Variants in CNTRL observed in about 807,000 individuals in gnomAD.
CNTRL encodes the protein centriolin.
CNTRL carries 233 observed loss-of-function variants against 303.7 expected under a neutral mutation model. That is an observed-to-expected ratio of 0.77 (90% CI 0.69 to 0.86). The LOEUF (loss-of-function observed/expected upper bound fraction) is 0.86. CNTRL is among the 40% of genes least tolerant of loss of function. The pLI, the probability that CNTRL is intolerant of heterozygous loss-of-function variation, is 0.00. For missense variants in CNTRL, 2,524 were observed against 2,650.6 expected, an observed-to-expected ratio of 0.95 and a Z score of 1.05; for synonymous variants, 900 against 922.2, an observed-to-expected ratio of 0.98 and a Z score of 0.44.
At chr9:121,112,406 T>G (rs1420681572) in intron 8 of CNTRL, 53 bp from the exon 9 acceptor site, 3 of 1,569,582 alleles carry the variant, frequency 1.9e-6, no homozygotes, top group East Asian at 4.5e-5. Flanking sequence ...CATCACACCT[T>G]TATACTAACT....
chr9:121,170,191 C>A (rs1477182421), intron 39 of CNTRL, among the ~76,000 whole-genome samples: 1 of 152,174 alleles, frequency 6.6e-6, no homozygotes, highest in East Asian at 1.9e-4. Flanking sequence ...GTCTCCCATG[C>A]TAGATTGAGT....
intron 39 of CNTRL, among the ~76,000 whole-genome samples, chr9:121,170,763 C>T (rs1041426624): frequency 6.6e-6 from 1 of 152,200 alleles, no homozygotes; most frequent in Non-Finnish European, 1.5e-5. Context: ...AGTTTTATTA[C>T]ACTGCTGTAG....
intron 19 of CNTRL, 133 bp from the exon 20 acceptor site, chr9:121,143,770 T>C (rs1416433446): frequency 3.4e-6 from 2 of 583,208 alleles, no homozygotes; most frequent in Non-Finnish European, 6.0e-6. Flanking sequence ...ATTGGATATA[T>C]GTGGAGTACC....
chr9:121,164,498 A>G (rs565156887), intron 34 of CNTRL, among the ~76,000 whole-genome samples: 2 of 152,350 alleles, frequency 1.3e-5, no homozygotes, highest in East Asian at 3.9e-4. Context: ...GATATACACA[A>G]CATGGATGAA....
At chr9:121,144,226 T>G in intron 20 of CNTRL, 144 bp downstream of exon 20, 1 of 686,566 alleles carries the variant, frequency 1.5e-6, no homozygotes, top group East Asian at 2.8e-5. Flanking sequence ...ACCTAAAGAT[T>G]ATATTCCCCC....
At chr9:121,110,748 G>T (rs1383431640) in intron 8 of CNTRL, among the ~76,000 whole-genome samples, 1 of 151,860 alleles carries the variant, frequency 6.6e-6, no homozygotes, top group East Asian at 1.9e-4. Flanking sequence ...TTGAATGTGG[G>T]GGAAAGAATT....
chr9:121,087,160 G>A (rs141446144), intron 2 of CNTRL, among the ~76,000 whole-genome samples: 8 of 152,278 alleles, frequency 5.3e-5, no homozygotes, highest in Admixed American at 1.3e-4. Context: ...AGGATTTAGC[G>A]ATTGACTGAG....
At chr9:121,162,864 A>G (rs2052915666) in intron 34 of CNTRL, among the ~76,000 whole-genome samples, 1 of 152,212 alleles carries the variant, frequency 6.6e-6, no homozygotes, top group Non-Finnish European at 1.5e-5. Flanking sequence ...ATGGAACAGA[A>G]TAGAAAGTCT....
At chr9:121,163,895 C>T (rs550157305) in intron 34 of CNTRL, among the ~76,000 whole-genome samples, 35 of 144,244 alleles carry the variant, frequency 2.4e-4, no homozygotes, top group Non-Finnish European at 4.3e-4. Flanking sequence ...GATGGAGCCT[C>T]GCTCTGTTGC....
Position 121,157,967 on chromosome 9 carries a change from T to G in CNTRL, c.4638-16T>G. ...AGTCCCTTAGGATCTGCTCTAGTGT[T>G]GCTGGTGCTTTGTAGGCTTCAGAAA... On this transcript the variant is annotated splice_polypyrimidine_tract_variant and intron_variant, in intron 29 of 43. Transcript: ENST00000373855. 1.2e-6 allele frequency: 2 copies of G among 1,614,136 alleles called. No individual in the cohort carries two copies. Among genetic ancestry groups the G allele is most frequent in the Non-Finnish European group, 1.7e-6 (2 of 1,179,992 alleles).
chr9:121,138,674 T>C lies in CNTRL; in HGVS notation c.2332T>C (p.Leu778=), dbSNP rs779714879. The C allele has an allele frequency of 1.6e-5, 26 of 1,613,104 alleles. 1 individual carries two copies. The East Asian group carries it at 5.6e-4, about 35-fold the overall frequency. Residue 778 remains leucine (L), a synonymous_variant, in exon 16 of 44, where the codon TTG becomes CTG. Coordinates refer to ENST00000373855, the MANE Select transcript of CNTRL (RefSeq NM_007018.6). Reference sequence around the variant, plus strand: ...TGAGCTCCATGCAAAACTTAAACACTTGCAGGTAGAGATTTGTTGTTTTAG... The same window carrying C: ...TGAGCTCCATGCAAAACTTAAACACCTGCAGGTAGAGATTTGTTGTTTTAG... The part of the protein sequence containing the change: ...NSELHAKLKH[L]QDDNNLLKQQ...
chr9:121,132,265 C>T (rs1041996366), intron 14 of CNTRL, among the ~76,000 whole-genome samples: 1 of 152,230 alleles, frequency 6.6e-6, no homozygotes, highest in African/African-American at 2.4e-5. Context: ...TTTTCAGGTA[C>T]ACCATTCAAA....
chr9:121,094,736 G>A lies in CNTRL; in HGVS notation c.349-152G>A, dbSNP rs374988293. The stretch of plus-strand genomic sequence containing the variant: ...AGTAGAGTTATTACTCCTAGTCAAG[G>A]AGAGCTGCATCAAGGGATTCTCCAG... On this transcript the variant is annotated intron_variant, in intron 4 of 43. Transcript: ENST00000373855. The A allele has an allele frequency of 1.4e-4, 70 of 516,046 alleles. 1 individual carries two copies. The highest frequency in any genetic ancestry group is 1.3e-3 in the African/African-American group (66 of 50,268). 32.0% of individuals were successfully genotyped at this position (516,046 alleles called of 1,614,324 possible).
intron 4 of CNTRL, among the ~76,000 whole-genome samples, chr9:121,092,080 T>C (rs1211695573): frequency 6.8e-6 from 1 of 146,418 alleles, no homozygotes; most frequent in Non-Finnish European, 1.5e-5. Flanking sequence ...TATATTTATA[T>C]ATAAATATAA....
intron 1 of CNTRL, among the ~76,000 whole-genome samples, chr9:121,077,936 A>G (rs1348556155): frequency 6.6e-6 from 1 of 152,104 alleles, no homozygotes; most frequent in Non-Finnish European, 1.5e-5. Context: ...ACAGAGAAAG[A>G]CCTTGCCTCA....
At chr9:121,076,207 A>T (rs1256787631) in intron 1 of CNTRL, among the ~76,000 whole-genome samples, 2 of 152,256 alleles carry the variant, frequency 1.3e-5, no homozygotes, top group Non-Finnish European at 2.9e-5. Flanking sequence ...CATGGGTAAT[A>T]GGGAGATAAA....
chr9:121,081,639 A>C (rs2048145262), intron 2 of CNTRL, among the ~76,000 whole-genome samples: 1 of 152,218 alleles, frequency 6.6e-6, no homozygotes, highest in South Asian at 2.1e-4. Context: ...ATTATAAAGG[A>C]TATTACAAAA....
chr9:121,125,483 A>C (rs1201406994), intron 13 of CNTRL, among the ~76,000 whole-genome samples: 4 of 152,180 alleles, frequency 2.6e-5, no homozygotes. Context: ...TACAGCATGA[A>C]TCAGGCATTT....
chr9:121,095,624 C>T (rs2048856596), intron 5 of CNTRL, among the ~76,000 whole-genome samples: 1 of 151,330 alleles, frequency 6.6e-6, no homozygotes, highest in Non-Finnish European at 1.5e-5. Flanking sequence ...ATATGATGGC[C>T]AAGAAAATGA....
Sources: gnomAD v4.1 joint callset for allele counts (sites outside exome capture counted in the v4.1 genomes callset) on GRCh38, gnomAD v4.1.1 for gene constraint, MANE v1.5 for transcripts, NCBI Gene and HGNC (gene_info 2026-07-23, HGNC 2026-07-21) for gene names.